MTA3: variants seen among roughly 807,000 people sequenced by gnomAD.
MTA3 encodes metastasis-associated protein MTA3.
In MTA3, 34 loss-of-function variants were observed where a neutral mutation model predicts 83.5. The observed-to-expected ratio is 0.41, with a 90% CI of 0.31 to 0.54. The LOEUF (loss-of-function observed/expected upper bound fraction) is 0.54. MTA3 is among the 20% of genes least tolerant of loss of function. The pLI is 0.33. For missense variants in MTA3, 761 were observed against 726.4 expected (o/e 1.05, Z -0.55); for synonymous variants, 303 against 252.7 (o/e 1.20, Z -1.89).
chr2:42,606,073 A>AC (rs1280257725), intron 3 of MTA3, among the ~76,000 whole-genome samples: 15 of 57,760 alleles, frequency 2.6e-4, no homozygotes, highest in Admixed American at 1.9e-3. Context: ...GGGGGGGCTG[A>AC]CCCCCCCTCT....
chr2:42,634,903 TAGTAAAC>T (rs1219071283), intron 4 of MTA3, among the ~76,000 whole-genome samples: 3 of 152,218 alleles, frequency 2.0e-5, no homozygotes, highest in Non-Finnish European at 4.4e-5. Context: ...TTATTTAACT[TAGTAAAC>T]AGTCTTTGTG....
chr2:42,535,785 G>A (rs1243336097), intron 2 of MTA3, among the ~76,000 whole-genome samples: 1 of 152,052 alleles, frequency 6.6e-6, no homozygotes, highest in Non-Finnish European at 1.5e-5. Flanking sequence ...AAGGATCCTG[G>A]GGGTGGTCCT....
At chr2:42,716,599 G>T (rs35763947) in intron 14 of MTA3, among the ~76,000 whole-genome samples, 15,704 of 152,198 alleles carry the variant, frequency 0.1, 1,033 homozygotes, top group Non-Finnish European at 0.14. Flanking sequence ...TTCTGTTACT[G>T]TATTAGTTTG....
chr2:42,718,078 C>A (rs1667150436), intron 14 of MTA3, among the ~76,000 whole-genome samples: 1 of 148,032 alleles, frequency 6.8e-6, no homozygotes, highest in Admixed American at 6.9e-5. Flanking sequence ...GAGTGTTTTC[C>A]ATATTACTCT....
chr2:42,596,705 A>T (rs13017863), intron 3 of MTA3, among the ~76,000 whole-genome samples: 114,012 of 152,094 alleles, frequency 0.75, 43,065 homozygotes, highest in South Asian at 0.88. Flanking sequence ...AGATATTCTT[A>T]AGCTTTTTAG....
chr2:42,748,995 C>A (rs1323168504), intron 16 of MTA3, among the ~76,000 whole-genome samples: 4 of 152,244 alleles, frequency 2.6e-5, no homozygotes, highest in Non-Finnish European at 5.9e-5. Flanking sequence ...CTTCACAGAA[C>A]TTGAACTCCA....
At chr2:42,614,976 T>TAAA (rs55857778) in intron 4 of MTA3, among the ~76,000 whole-genome samples, 117 of 142,432 alleles carry the variant, frequency 8.2e-4, no homozygotes, top group Admixed American at 1.3e-3. Flanking sequence ...GACTCTGTCT[T>TAAA]AAAAAAAAAA....
intron 6 of MTA3, among the ~76,000 whole-genome samples, chr2:42,644,740 G>C (rs1034647770): frequency 6.6e-6 from 1 of 152,100 alleles, no homozygotes; most frequent in African/African-American, 2.4e-5. Flanking sequence ...CTGTTATAGT[G>C]ATCTGTGATC....
chr2:42,684,953 A>G (rs1340283449), intron 9 of MTA3, among the ~76,000 whole-genome samples: 2 of 152,248 alleles, frequency 1.3e-5, no homozygotes, highest in Non-Finnish European at 2.9e-5. Flanking sequence ...GTGTATAGGA[A>G]TATTAAAAAG....
chr2:42,693,531 T>C lies in MTA3; in HGVS notation c.892-2234T>C, dbSNP rs1317967407. On this transcript the variant is annotated intron_variant, in intron 9 of 16. Transcript: ENST00000405094. ...TGTGGACACCAACACCCAGCCACTA[T>C]TGGGGGTGGGGGTAGTTCTGCCAGG... Among the ~76,000 whole-genome samples the C allele has an allele frequency of 2.6e-5, 4 of 152,132 alleles. No homozygotes were observed. The East Asian group carries it at 5.8e-4, about 22-fold the overall frequency.
At chr2:42,555,557 G>C (rs377176456) in intron 2 of MTA3, among the ~76,000 whole-genome samples, 3 of 146,316 alleles carry the variant, frequency 2.1e-5, no homozygotes, top group African/African-American at 7.6e-5. Flanking sequence ...TCAGGAGATC[G>C]AGACCATCCT....
chr2:42,717,997 T>C (rs1667145477), intron 14 of MTA3, among the ~76,000 whole-genome samples: 1 of 151,986 alleles, frequency 6.6e-6, no homozygotes, highest in Admixed American at 6.6e-5. Flanking sequence ...ATTTCTGAGA[T>C]GGGCACACGC....
chr2:42,509,432 C>T (rs1674795996), intron 2 of MTA3, among the ~76,000 whole-genome samples: 1 of 152,160 alleles, frequency 6.6e-6, no homozygotes, highest in Non-Finnish European at 1.5e-5. Flanking sequence ...CACACCAATA[C>T]TCCCAGTTCC....
chr2:42,624,684 T>G (rs530129468), intron 4 of MTA3, among the ~76,000 whole-genome samples: 1 of 152,332 alleles, frequency 6.6e-6, no homozygotes, highest in South Asian at 2.1e-4. Flanking sequence ...TTTGTCAGAC[T>G]CAATCACTCT....
chr2:42,496,836 C>G (rs764355967), intron 2 of MTA3, among the ~76,000 whole-genome samples: 12 of 152,174 alleles, frequency 7.9e-5, no homozygotes, highest in Non-Finnish European at 1.6e-4. Context: ...TCTTTCCTAT[C>G]TCTATGAATT....
At chr2:42,496,524 C>G (rs973554002) in intron 2 of MTA3, among the ~76,000 whole-genome samples, 1 of 146,310 alleles carries the variant, frequency 6.8e-6, no homozygotes, top group South Asian at 2.2e-4. Flanking sequence ...GTCTTCATAT[C>G]TAAATCTTTA....
intron 2 of MTA3, among the ~76,000 whole-genome samples, chr2:42,548,685 T>G (rs1257550412): frequency 7.0e-6 from 1 of 142,352 alleles, no homozygotes; most frequent in African/African-American, 2.7e-5. Context: ...CACCTGGGGT[T>G]CCAGCTACCC....
At chr2:42,696,253 C>G (rs1054110530) in intron 10 of MTA3, among the ~76,000 whole-genome samples, 1 of 152,304 alleles carries the variant, frequency 6.6e-6, no homozygotes, top group Admixed American at 6.5e-5. Flanking sequence ...AACCTCTTTA[C>G]ATGACATTTG....
chr2:42,648,940 C>A (rs1688453120), intron 6 of MTA3, among the ~76,000 whole-genome samples: 1 of 152,164 alleles, frequency 6.6e-6, no homozygotes, highest in Non-Finnish European at 1.5e-5. Context: ...AAATGATTAA[C>A]CCCTCCAAGT....
Sources: allele counts gnomAD v4.1 joint callset (sites outside exome capture counted in the v4.1 genomes callset), GRCh38; gene constraint gnomAD v4.1.1; transcripts MANE v1.5; gene names NCBI Gene and HGNC (gene_info 2026-07-23, HGNC 2026-07-21).